Variants in ANK3 observed in about 807,000 individuals in gnomAD.
ANK3 encodes the protein ankyrin-3.
In ANK3, 57 loss-of-function variants were observed where a neutral mutation model predicts 370.9. That is an observed-to-expected ratio of 0.15 (90% CI 0.12 to 0.19). ANK3 has a LOEUF of 0.19. Ranked by LOEUF, ANK3 falls within the 10% of genes least tolerant of loss-of-function variation. The pLI is 1.00. For missense variants in ANK3, 4,439 were observed against 5,302.1 expected, an observed-to-expected ratio of 0.84 and a Z score of 5.06; for synonymous variants, 1,929 against 1,946.3, an observed-to-expected ratio of 0.99 and a Z score of 0.23.
At chr10:60,217,562 G>T (rs1253500180) in intron 8 of ANK3, among the ~76,000 whole-genome samples, 2 of 152,158 alleles carry the variant, frequency 1.3e-5, no homozygotes, top group Non-Finnish European at 2.9e-5. Flanking sequence ...CCATGTAATT[G>T]TGTAGTTTTC....
intron 1 of ANK3, among the ~76,000 whole-genome samples, chr10:60,286,034 A>G (rs1473025532): frequency 6.6e-6 from 1 of 152,146 alleles, no homozygotes; most frequent in African/African-American, 2.4e-5. Flanking sequence ...TAAAAAAAGT[A>G]TTTATCTGAT....
chr10:60,672,636 T>C (rs1455382841), intron 1 of ANK3, among the ~76,000 whole-genome samples: 2 of 152,158 alleles, frequency 1.3e-5, no homozygotes, highest in African/African-American at 4.8e-5. Context: ...TATCCTTTAT[T>C]AATATAATAA....
chr10:60,103,377 C>T (rs1250454039), intron 28 of ANK3, among the ~76,000 whole-genome samples: 1 of 152,084 alleles, frequency 6.6e-6, no homozygotes, highest in Non-Finnish European at 1.5e-5. Flanking sequence ...GATAAAAGAA[C>T]ATAAAAAACA....
Position 60,382,544 on chromosome 10 carries a change from A to G in ANK3, c.114+6881T>C, listed in dbSNP as rs533745016. 7.8e-4 allele frequency among the ~76,000 whole-genome samples: 119 copies of G among 152,226 alleles called. 1 individual carries two copies. Among genetic ancestry groups the G allele is most frequent in the African/African-American group, 2.8e-3 (115 of 41,558 alleles). The stretch of plus-strand genomic sequence containing the variant: ...TCATGACTCCACTTTGGTCCATGAA[A>G]GCAGAATCCTGGGTGAATGGAATAA... On this transcript the variant is annotated intron_variant, in intron 1 of 43. Coordinates refer to ENST00000280772, the MANE Select transcript of ANK3 (RefSeq NM_020987.5).
At chr10:60,239,860 T>C (rs2097398830) in intron 7 of ANK3, among the ~76,000 whole-genome samples, 1 of 151,996 alleles carries the variant, frequency 6.6e-6, no homozygotes, top group East Asian at 1.9e-4. Context: ...TCATACCATA[T>C]TTGAAGGTAT....
intron 1 of ANK3, among the ~76,000 whole-genome samples, chr10:60,657,353 T>C (rs1279259038): frequency 6.6e-6 from 1 of 152,152 alleles, no homozygotes; most frequent in Non-Finnish European, 1.5e-5. Context: ...TCTTGTTCTG[T>C]TGCCCAGGCT....
At chr10:60,277,729 A>G (rs575938999) in intron 4 of ANK3, among the ~76,000 whole-genome samples, 2 of 152,294 alleles carry the variant, frequency 1.3e-5, no homozygotes, top group East Asian at 1.9e-4. Flanking sequence ...AAGTTCTCCA[A>G]TATCACTTTC....
intron 2 of ANK3, among the ~76,000 whole-genome samples, chr10:60,574,746 T>C (rs753122651): frequency 3.3e-5 from 5 of 152,168 alleles, no homozygotes; most frequent in African/African-American, 7.2e-5. Flanking sequence ...TACAAATTCT[T>C]CATAAGCTGA....
At chr10:60,356,169 G>T (rs1158971666) in intron 1 of ANK3, among the ~76,000 whole-genome samples, 2 of 152,142 alleles carry the variant, frequency 1.3e-5, no homozygotes, top group Non-Finnish European at 2.9e-5. Flanking sequence ...TAGACCTCTG[G>T]TTTAGCCATC....
At chr10:60,225,130 C>T (rs1465182190) in intron 8 of ANK3, among the ~76,000 whole-genome samples, 4 of 151,998 alleles carry the variant, frequency 2.6e-5, no homozygotes, top group Non-Finnish European at 5.9e-5. Context: ...CCAGGCTGGT[C>T]TCAAACTCCT....
At chr10:60,659,544 C>T (rs1229054571) in intron 1 of ANK3, among the ~76,000 whole-genome samples, 2 of 152,086 alleles carry the variant, frequency 1.3e-5, no homozygotes, top group African/African-American at 2.4e-5. Flanking sequence ...GGCAGTTGTA[C>T]AACTTTAAAA....
chr10:60,240,306 A>ATATAT (rs11282162), intron 7 of ANK3, among the ~76,000 whole-genome samples: 12 of 119,748 alleles, frequency 1.0e-4, no homozygotes, highest in East Asian at 9.2e-4. Flanking sequence ...ATATATATAT[A>ATATAT]TTTTTTTTTC....
chr10:60,614,517 T>C (rs1341295266), intron 2 of ANK3, among the ~76,000 whole-genome samples: 1 of 152,036 alleles, frequency 6.6e-6, no homozygotes, highest in Non-Finnish European at 1.5e-5. Flanking sequence ...GAATAGTGGA[T>C]GGCATGAGCA....
intron 23 of ANK3, among the ~76,000 whole-genome samples, chr10:60,158,685 C>CTTTTTGTTTTTTT (rs1555028777): frequency 7.5e-6 from 1 of 132,710 alleles, no homozygotes; most frequent in African/African-American, 2.9e-5. Context: ...CACTTTTTTT[C>CTTTTTGTTTTTTT]TTTTTTTTGA....
intron 2 of ANK3, among the ~76,000 whole-genome samples, chr10:60,577,349 A>G (rs560530436): frequency 6.6e-6 from 1 of 152,270 alleles, no homozygotes; most frequent in South Asian, 2.1e-4. Context: ...CTCAGCGTAT[A>G]ATTGTATTGA....
At chr10:60,346,031 A>T (rs1310363015) in intron 1 of ANK3, among the ~76,000 whole-genome samples, 1 of 152,126 alleles carries the variant, frequency 6.6e-6, no homozygotes, top group Non-Finnish European at 1.5e-5. Flanking sequence ...ATTCATAATG[A>T]TTGGGTCGAG....
At chr10:60,538,412 T>C (rs2076771198) in intron 2 of ANK3, among the ~76,000 whole-genome samples, 1 of 151,912 alleles carries the variant, frequency 6.6e-6, no homozygotes, top group Admixed American at 6.6e-5. Context: ...TTTTCCTTCC[T>C]TGGAAAAGCA....
At chr10:60,031,060 G>GAGTC (rs1471803849) in intron 43 of ANK3, among the ~76,000 whole-genome samples, 1 of 150,558 alleles carries the variant, frequency 6.6e-6, no homozygotes, top group Non-Finnish European at 1.5e-5. Context: ...CAGAGATAAG[G>GAGTC]AGTCAGGATA....
In ANK3 at chr10:60,474,980, T is replaced by C. The variant is rs115622968; in HGVS notation, c.96+140206A>G. 7.3e-3 allele frequency among the ~76,000 whole-genome samples: 1,118 copies of C among 152,252 alleles called. 15 individuals carry two copies. Among genetic ancestry groups the C allele is most frequent in the African/African-American group, 0.025 (1,054 of 41,570 alleles). On this transcript the variant is annotated intron_variant, in intron 2 of 43. Coordinates refer to the ANK3 transcript ENST00000373827. ...TAAAAGAGAAATTGTTTATCATCTA[T>C]ATAATATAAATGTTATCTTGTTAAC...
Sources: allele counts gnomAD v4.1 joint callset (sites outside exome capture counted in the v4.1 genomes callset), GRCh38; gene constraint gnomAD v4.1.1; transcripts MANE v1.5; gene names NCBI Gene and HGNC (gene_info 2026-07-23, HGNC 2026-07-21).